Variants in PAK3 observed in about 807,000 individuals in gnomAD.
PAK3 encodes p21 (RAC1) activated kinase 3.
In PAK3, 4 loss-of-function variants were observed where a neutral mutation model predicts 41.0. The ratio of observed to expected loss-of-function variants is 0.10; its 90% confidence interval spans 0.05 to 0.22. The LOEUF (loss-of-function observed/expected upper bound fraction) is 0.22, where lower values mean the gene tolerates loss of function less well. PAK3 is among the 10% of genes least tolerant of loss of function. The pLI is 1.00. For synonymous variants in PAK3, 146 were observed against 139.6 expected, an observed-to-expected ratio of 1.05 and a Z score of -0.32; for missense variants, 205 against 409.9, an observed-to-expected ratio of 0.50 and a Z score of 4.32.
intron 1 of PAK3, among the ~76,000 whole-genome samples, chrX:110,989,594 C>T (rs893146589): frequency 9.8e-5 from 11 of 112,008 alleles, no homozygotes; most frequent in African/African-American, 3.6e-4. Flanking sequence ...AAGGTTCACC[C>T]TATTGTGATC....
At chrX:111,019,375 A>G (rs1160713956) in intron 1 of PAK3, among the ~76,000 whole-genome samples, 1 of 110,075 alleles carries the variant, frequency 9.1e-6, no homozygotes, top group Non-Finnish European at 1.9e-5. Flanking sequence ...TGTAAACTCA[A>G]CAACAACCAC....
At chrX:111,133,433 C>T (rs1416597) in intron 5 of PAK3, among the ~76,000 whole-genome samples, 2,891 of 111,892 alleles carry the variant, frequency 0.026, 97 homozygotes, top group African/African-American at 0.089. Flanking sequence ...TATATTCTGC[C>T]CAACTTAGCA....
At chrX:111,085,940 A>C (rs1164838490) in intron 1 of PAK3, among the ~76,000 whole-genome samples, 1 of 111,968 alleles carries the variant, frequency 8.9e-6, no homozygotes, top group Non-Finnish European at 1.9e-5. Flanking sequence ...CTTAAAAGGA[A>C]GACTGGAACA....
intron 1 of PAK3, among the ~76,000 whole-genome samples, chrX:110,963,661 T>C (rs1467282159): frequency 8.9e-6 from 1 of 112,221 alleles, no homozygotes; most frequent in Non-Finnish European, 1.9e-5. Flanking sequence ...GAATTGAAAA[T>C]TAGGTTTTCA....
chrX:110,968,149 A>G (rs1222630960), intron 1 of PAK3, among the ~76,000 whole-genome samples: 1 of 112,689 alleles, frequency 8.9e-6, no homozygotes, highest in Non-Finnish European at 1.9e-5. Flanking sequence ...AGGTTGTTGC[A>G]TATACTAGTA....
chrX:111,091,644 C>A (rs2092930045), upstream of PAK3, among the ~76,000 whole-genome samples: 1 of 112,090 alleles, frequency 8.9e-6, no homozygotes, highest in Non-Finnish European at 1.9e-5. Flanking sequence ...ATCTCTGATG[C>A]TCCTTGCTCT....
intron 5 of PAK3, among the ~76,000 whole-genome samples, chrX:111,132,559 C>G (rs1339562387): frequency 9.0e-6 from 1 of 111,310 alleles, no homozygotes; most frequent in Non-Finnish European, 1.9e-5. Context: ...AACTACACTA[C>G]AAGCCTCCTA....
chrX:111,187,818 A>G (rs752079264), intron 11 of PAK3, among the ~76,000 whole-genome samples: 1 of 110,340 alleles, frequency 9.1e-6, no homozygotes, highest in East Asian at 2.9e-4. Context: ...TGCACAAACC[A>G]ATAACTTATT....
intron 1 of PAK3, among the ~76,000 whole-genome samples, chrX:111,029,408 C>A (rs1008807205): frequency 8.1e-5 from 9 of 111,371 alleles, no homozygotes; most frequent in African/African-American, 2.9e-4. Context: ...ACTAATAGCC[C>A]GCCATTGACC....
chrX:111,138,061 T>G lies in PAK3; in HGVS notation c.176-4035T>G, dbSNP rs545342252. 5.7e-4 allele frequency among the ~76,000 whole-genome samples: 62 copies of G among 109,509 alleles called. 2 individuals carry two copies. In the South Asian group the frequency reaches 0.025, roughly 44 times the overall value. On this transcript the variant is annotated intron_variant, in intron 5 of 17. Transcript: ENST00000372007. ...AGAGCTCAAATCTTTTTTTTTTTTT[T>G]AATGCCACTGAGTAATAAATAGTTT...
chrX:111,178,119 A>C (rs2094426030), intron 11 of PAK3, among the ~76,000 whole-genome samples: 1 of 111,018 alleles, frequency 9.0e-6, no homozygotes, highest in African/African-American at 3.3e-5. Context: ...GACATGGAGA[A>C]GAGTTATATC....
intron 1 of PAK3, among the ~76,000 whole-genome samples, chrX:111,040,994 C>A (rs2148770196): frequency 8.9e-6 from 1 of 112,465 alleles, no homozygotes; most frequent in Admixed American, 9.4e-5. Flanking sequence ...CCTCCCAGAG[C>A]TGAGTCAGTT....
intron 1 of PAK3, among the ~76,000 whole-genome samples, chrX:111,003,128 G>T (rs1474834450): frequency 9.1e-6 from 1 of 110,192 alleles, no homozygotes; most frequent in Non-Finnish European, 1.9e-5. Flanking sequence ...GCATCAACTT[G>T]CACAGCACAA....
intron 7 of PAK3, among the ~76,000 whole-genome samples, chrX:111,151,925 T>A (rs1170898772): frequency 3.6e-5 from 4 of 111,914 alleles, no homozygotes; most frequent in Non-Finnish European, 7.5e-5. Flanking sequence ...AAAGGGATGA[T>A]TCACATTTCA....
intron 1 of PAK3, among the ~76,000 whole-genome samples, chrX:111,003,108 T>A (rs906050685): frequency 1.8e-5 from 2 of 110,914 alleles, no homozygotes; most frequent in Non-Finnish European, 3.8e-5. Flanking sequence ...GATATCAATA[T>A]GCATGTGGAG....
chrX:111,053,922 A>G (rs1032056542), intron 1 of PAK3, among the ~76,000 whole-genome samples: 1 of 112,371 alleles, frequency 8.9e-6, no homozygotes, highest in South Asian at 3.7e-4. Context: ...AAGATCACAC[A>G]TTAGCTGTGA....
At chrX:111,109,894 C>T (rs2093340002) in intron 4 of PAK3, among the ~76,000 whole-genome samples, 1 of 111,985 alleles carries the variant, frequency 8.9e-6, no homozygotes, top group Non-Finnish European at 1.9e-5. Context: ...CTTTCCGTGA[C>T]TTAGGAAACA....
intron 1 of PAK3, among the ~76,000 whole-genome samples, chrX:110,985,278 C>A (rs2091521712): frequency 9.0e-6 from 1 of 110,952 alleles, no homozygotes; most frequent in African/African-American, 3.3e-5. Flanking sequence ...CAAACCCCAC[C>A]CACACTGATT....
chrX:111,035,196 C>T (rs2092387581), intron 1 of PAK3, among the ~76,000 whole-genome samples: 1 of 107,985 alleles, frequency 9.3e-6, no homozygotes, highest in Admixed American at 9.9e-5. Context: ...ACGGTAATAT[C>T]TGCCTTGCCA....
Sources: gnomAD v4.1 joint callset for allele counts (sites outside exome capture counted in the v4.1 genomes callset) on GRCh38, gnomAD v4.1.1 for gene constraint, MANE v1.5 for transcripts, NCBI Gene and HGNC (gene_info 2026-07-23, HGNC 2026-07-21) for gene names.